VKORC1L1: variants seen among roughly 807,000 people sequenced by gnomAD.
The protein encoded by VKORC1L1 is vitamin K epoxide reductase complex subunit 1L1, also known as vitamin K epoxide reductase complex subunit 1-like protein 1.
VKORC1L1 carries 2 observed loss-of-function variants against 18.9 expected under a neutral mutation model. The observed-to-expected ratio is 0.11, with a 90% confidence interval of 0.04 to 0.33. VKORC1L1 has a LOEUF of 0.33. Ranked by LOEUF, VKORC1L1 falls within the 10% of genes least tolerant of loss-of-function variation. VKORC1L1 has a pLI of 1.00. For missense variants in VKORC1L1, 123 were observed against 224.1 expected (o/e 0.55, Z 2.88); for synonymous variants, 96 against 100.0 (o/e 0.96, Z 0.24).
At chr7:65,944,182 C>G (rs68189316) in intron 1 of VKORC1L1, among the ~76,000 whole-genome samples, 18,875 of 151,918 alleles carry the variant, frequency 0.12, 1,327 homozygotes, top group Middle Eastern at 0.21. Flanking sequence ...GCCTGGGCAA[C>G]ATGATGAAAC....
intron 1 of VKORC1L1, among the ~76,000 whole-genome samples, chr7:65,886,852 T>G (rs1442668644): frequency 7.9e-5 from 11 of 138,820 alleles, no homozygotes; most frequent in East Asian, 2.1e-4. Context: ...TTTTTTTTTT[T>G]TTTTTTTTTT....
In VKORC1L1 at chr7:65,954,387, A is replaced by G; in HGVS notation, c.*87A>G. ...GGTTTTTATTATTATTATTATTATT[A>G]TTATTCACAACAGACACTTTCCCTA... On this transcript the variant is annotated 3_prime_UTR_variant, in exon 3 of 3. Transcript: ENST00000360768. 2.0e-6 allele frequency: 3 copies of G among 1,476,650 alleles called. No individual in the cohort carries two copies. Among genetic ancestry groups the G allele is most frequent in the Non-Finnish European group, 2.7e-6 (3 of 1,119,490 alleles). The allele number at this position is 1,476,650 out of a possible 1,614,324, so 91.5% of individuals were successfully genotyped here.
intron 1 of VKORC1L1, among the ~76,000 whole-genome samples, chr7:65,947,183 A>G (rs967081505): frequency 1.3e-5 from 2 of 152,126 alleles, no homozygotes; most frequent in Admixed American, 6.5e-5. Flanking sequence ...GCATAATTCT[A>G]CAATAAAAAT....
chr7:65,920,841 AC>A (rs1789663720), intron 1 of VKORC1L1, among the ~76,000 whole-genome samples: 2 of 151,520 alleles, frequency 1.3e-5, no homozygotes, highest in Non-Finnish European at 2.9e-5. Context: ...AAAAAAAAAG[AC>A]AGAAAGGAAG....
intron 1 of VKORC1L1, among the ~76,000 whole-genome samples, chr7:65,898,320 A>T (rs1454539345): frequency 6.6e-6 from 1 of 151,896 alleles, no homozygotes; most frequent in African/African-American, 2.4e-5. Context: ...TCCTGACTTC[A>T]TGATCCACCC....
chr7:65,893,610 T>C (rs2116366370), intron 1 of VKORC1L1, among the ~76,000 whole-genome samples: 1 of 152,218 alleles, frequency 6.6e-6, no homozygotes, highest in Non-Finnish European at 1.5e-5. Context: ...AATAGGTATG[T>C]GCCACTGCAC....
chr7:65,891,767 A>G (rs1401628549), intron 1 of VKORC1L1, among the ~76,000 whole-genome samples: 3 of 152,202 alleles, frequency 2.0e-5, no homozygotes, highest in African/African-American at 7.2e-5. Context: ...AGGGTAGAGT[A>G]CCCCATCACC....
chr7:65,915,489 CA>C lies in VKORC1L1; in HGVS notation c.195-33180del, dbSNP rs754342023. ...GCAGTGCTGCGATCTCTCCTCACTG[CA>C]ACCTCCGCCTCCTGGGTTCAAGTGA... On this transcript the variant is annotated intron_variant, in intron 1 of 2. Coordinates refer to ENST00000360768, the MANE Select transcript of VKORC1L1 (RefSeq NM_173517.6). 9.2e-5 allele frequency among the ~76,000 whole-genome samples: 14 copies of C among 151,542 alleles called. No individual in the cohort carries two copies. The East Asian group carries it at 9.7e-4, about 11-fold the overall frequency.
intron 1 of VKORC1L1, among the ~76,000 whole-genome samples, chr7:65,887,781 A>G (rs746490704): frequency 2.0e-5 from 3 of 152,182 alleles, no homozygotes; most frequent in East Asian, 1.9e-4. Flanking sequence ...ATGTATTGTG[A>G]TTTATGAAAC....
At chr7:65,871,704 CAG>C (rs1788728694), upstream of VKORC1L1, among the ~76,000 whole-genome samples, 1 of 152,152 alleles carries the variant, frequency 6.6e-6, no homozygotes. Flanking sequence ...AGCCAACAGC[CAG>C]AGAGGACCTC....
Position 65,915,414 on chromosome 7 carries a change from C to CT in VKORC1L1, c.195-33242dup, listed in dbSNP as rs77683293. On this transcript the variant is annotated intron_variant, in intron 1 of 2. Coordinates refer to ENST00000360768, the MANE Select transcript of VKORC1L1 (RefSeq NM_173517.6). ...CCTTTGTGAGCTTATTTTCTGAACTCTTTTTTTTTTTTTTTAGATGGAGTC... is the reference window on the plus strand; with the variant it reads ...CCTTTGTGAGCTTATTTTCTGAACTCTTTTTTTTTTTTTTTTAGATGGAGTC... 3.7e-3 allele frequency among the ~76,000 whole-genome samples: 487 copies of CT among 132,682 alleles called. 3 individuals carry two copies. The highest frequency in any genetic ancestry group is 0.01 in the African/African-American group (378 of 36,236). 87.0% of individuals were successfully genotyped at this position (132,682 alleles called of 152,430 possible). A position where few individuals can be genotyped will look rare whatever the true frequency, so the allele number is the denominator to read the frequency against.
chr7:65,945,722 AT>A (rs1790110264), intron 1 of VKORC1L1, among the ~76,000 whole-genome samples: 1 of 152,062 alleles, frequency 6.6e-6, no homozygotes, highest in Non-Finnish European at 1.5e-5. Context: ...GAAGGCTTTG[AT>A]TTTATTTTAT....
At chr7:65,928,583 C>T (rs1789805612) in intron 1 of VKORC1L1, among the ~76,000 whole-genome samples, 1 of 152,138 alleles carries the variant, frequency 6.6e-6, no homozygotes, top group South Asian at 2.1e-4. Context: ...TGAAACAATT[C>T]CTTTTTATTG....
intron 1 of VKORC1L1, among the ~76,000 whole-genome samples, chr7:65,935,595 C>A (rs928277246): frequency 6.6e-6 from 1 of 152,138 alleles, no homozygotes; most frequent in African/African-American, 2.4e-5. Context: ...AGGCATGAGC[C>A]ACTGCACCTG....
At position 65,952,724 on chromosome 7, in the gene VKORC1L1, T is replaced by C. The variant is rs532123973; in HGVS notation, c.305-1350T>C. Among the ~76,000 whole-genome samples, 349 of 151,430 alleles carry C rather than the reference T, an allele frequency of 2.3e-3. 2 individuals are homozygous for C. The highest frequency in any genetic ancestry group is 7.4e-3 in the African/African-American group (304 of 41,330). Reference sequence around the variant, plus strand: ...TCTCTATACTGTTGCCTATAAGAAATTAAAAACAATACATGTGAAGATAGA... The same window carrying C: ...TCTCTATACTGTTGCCTATAAGAAACTAAAAACAATACATGTGAAGATAGA... On this transcript the variant is annotated intron_variant, in intron 2 of 2. Coordinates refer to ENST00000360768, the MANE Select transcript of VKORC1L1 (RefSeq NM_173517.6).
At chr7:65,876,820 C>T (rs1156967882) in intron 1 of VKORC1L1, among the ~76,000 whole-genome samples, 1 of 152,136 alleles carries the variant, frequency 6.6e-6, no homozygotes, top group Non-Finnish European at 1.5e-5. Flanking sequence ...TGACACCTGG[C>T]AGACCTCTTG....
At chr7:65,915,235 G>T (rs1789567812) in intron 1 of VKORC1L1, among the ~76,000 whole-genome samples, 1 of 150,988 alleles carries the variant, frequency 6.6e-6, no homozygotes, top group Admixed American at 6.6e-5. Flanking sequence ...GGGACTACAG[G>T]CCTCTGCCGC....
At position 65,901,407 on chromosome 7, in the gene VKORC1L1, G is replaced by C. The variant is rs546655370; in HGVS notation, c.194+27842G>C. ...ATTGAGAAACTGTTACTTGATTTGC[G>C]ATATGTATTCTGTCCAGCAGTGATA... On this transcript the variant is annotated intron_variant, in intron 1 of 2. Transcript: ENST00000360768. Among the ~76,000 whole-genome samples the C allele has an allele frequency of 4.1e-4, 62 of 152,152 alleles. 1 individual carries two copies. The highest frequency in any genetic ancestry group is 1.9e-4 in the Non-Finnish European group (13 of 68,032).
chr7:65,898,295 A>G (rs1789252241), intron 1 of VKORC1L1, among the ~76,000 whole-genome samples: 1 of 151,836 alleles, frequency 6.6e-6, no homozygotes, highest in South Asian at 2.1e-4. Flanking sequence ...CCATCTTGCC[A>G]GGCTGGTCTT....
Sources: gnomAD v4.1 joint callset for allele counts (sites outside exome capture counted in the v4.1 genomes callset) on GRCh38, gnomAD v4.1.1 for gene constraint, MANE v1.5 for transcripts, NCBI Gene and HGNC (gene_info 2026-07-23, HGNC 2026-07-21) for gene names.